The following SMYD3 variants were observed in gnomAD, a reference collection of about 807,000 sequenced individuals.
SMYD3 encodes the protein SET and MYND domain containing 3.
In SMYD3, 36 loss-of-function variants were observed where a neutral mutation model predicts 57.7. The observed-to-expected ratio is 0.62, with a 90% CI of 0.48 to 0.82. The LOEUF (loss-of-function observed/expected upper bound fraction) is 0.82, where lower values mean the gene tolerates loss of function less well. Among genes scored for constraint, SMYD3 ranks in the 40% least tolerant of loss-of-function variants. SMYD3 has a pLI of 0.00. For missense variants in SMYD3, 515 were observed against 538.8 expected, an observed-to-expected ratio of 0.96 and a Z score of 0.44; for synonymous variants, 211 against 195.0, an observed-to-expected ratio of 1.08 and a Z score of -0.68.
At chr1:246,286,961 C>T (rs2064581418) in intron 5 of SMYD3, among the ~76,000 whole-genome samples, 1 of 151,750 alleles carries the variant, frequency 6.6e-6, no homozygotes. Flanking sequence ...ACCTCCGCCC[C>T]CTAGGTTCAA....
chr1:245,908,599 A>G (rs2054745885), intron 8 of SMYD3, among the ~76,000 whole-genome samples: 1 of 152,274 alleles, frequency 6.6e-6, no homozygotes, highest in Non-Finnish European at 1.5e-5. Context: ...ACAAGGCTTA[A>G]CACATTTTTA....
rs1028334969 is a variant in SMYD3 at position 246,087,363 on chromosome 1, T to C, written c.532-157426A>G. Among the ~76,000 whole-genome samples, 4 of 152,168 alleles carry C rather than the reference T, an allele frequency of 2.6e-5. 1 individual carries two copies. Among genetic ancestry groups the C allele is most frequent in the South Asian group, 4.1e-4 (2 of 4,828 alleles). ...CCAAGACCGTTGACTTCCTTAATCA[T>C]CTCTAGAACCCTGGGTTCTAGCACA... On this transcript the variant is annotated intron_variant, in intron 5 of 11. Transcript: ENST00000490107.
chr1:245,808,919 C>T (rs187373970), intron 10 of SMYD3, among the ~76,000 whole-genome samples: 2 of 152,240 alleles, frequency 1.3e-5, no homozygotes, highest in Non-Finnish European at 1.5e-5. Flanking sequence ...TGCACCACCA[C>T]ACCTGGCTAA....
At chr1:246,279,866 T>C (rs1211134276) in intron 5 of SMYD3, among the ~76,000 whole-genome samples, 1 of 152,210 alleles carries the variant, frequency 6.6e-6, no homozygotes, top group African/African-American at 2.4e-5. Context: ...TTCTACATTA[T>C]ATAAAAATCT....
At chr1:245,937,979 T>C (rs1351068812) in intron 5 of SMYD3, among the ~76,000 whole-genome samples, 1 of 152,158 alleles carries the variant, frequency 6.6e-6, no homozygotes, top group Non-Finnish European at 1.5e-5. Flanking sequence ...TTCCGTCAAA[T>C]TAATGGAGAA....
At chr1:245,973,790 C>T (rs1022721410) in intron 5 of SMYD3, among the ~76,000 whole-genome samples, 2 of 152,162 alleles carry the variant, frequency 1.3e-5, no homozygotes, top group Non-Finnish European at 2.9e-5. Context: ...GGAAATCTAC[C>T]TATATGAGTA....
chr1:246,208,670 C>T (rs1019884852), intron 5 of SMYD3, among the ~76,000 whole-genome samples: 2 of 152,150 alleles, frequency 1.3e-5, no homozygotes, highest in Non-Finnish European at 2.9e-5. Flanking sequence ...TAGGCAATCA[C>T]GTTGCATGTC....
chr1:246,373,039 C>A (rs1221163717), intron 1 of SMYD3, among the ~76,000 whole-genome samples: 1 of 151,820 alleles, frequency 6.6e-6, no homozygotes, highest in Middle Eastern at 3.2e-3. Flanking sequence ...ATAAAAGCTA[C>A]CTAGAATGTC....
At chr1:246,493,970 C>T (rs781359379) in intron 1 of SMYD3, among the ~76,000 whole-genome samples, 2 of 152,230 alleles carry the variant, frequency 1.3e-5, no homozygotes, top group Non-Finnish European at 2.9e-5. Context: ...TACCAGTCCC[C>T]TAGCTCAGGC....
intron 10 of SMYD3, among the ~76,000 whole-genome samples, chr1:245,832,780 C>A (rs1385213529): frequency 6.6e-6 from 1 of 152,068 alleles, no homozygotes; most frequent in Non-Finnish European, 1.5e-5. Context: ...AATGTTGAAT[C>A]CTGTAAAGAA....
intron 10 of SMYD3, among the ~76,000 whole-genome samples, chr1:245,807,534 CAGAG>C (rs2048243050): frequency 6.6e-6 from 1 of 152,152 alleles, no homozygotes. Flanking sequence ...GGCCTGGCAG[CAGAG>C]AGAGAATTAC....
At chr1:245,946,736 T>C (rs971191766) in intron 5 of SMYD3, among the ~76,000 whole-genome samples, 1 of 152,160 alleles carries the variant, frequency 6.6e-6, no homozygotes, top group Non-Finnish European at 1.5e-5. Flanking sequence ...GATTTGTTCA[T>C]TCATTAAGGG....
intron 7 of SMYD3, among the ~76,000 whole-genome samples, chr1:245,926,564 G>T (rs2056388535): frequency 6.6e-6 from 1 of 152,180 alleles, no homozygotes; most frequent in Non-Finnish European, 1.5e-5. Context: ...AGAGAAAGAT[G>T]TGAAAAAGTG....
In SMYD3 at chr1:246,145,742, G is replaced by A. The variant is rs146340938; in HGVS notation, c.531+181459C>T. ...ACAGCATTCATCTCACAGACATCAC[G>A]AAGGTTAAATGAAACCATCCATGTA... On this transcript the variant is annotated intron_variant, in intron 5 of 11. Coordinates refer to ENST00000490107, the MANE Select transcript of SMYD3 (RefSeq NM_001167740.2). Among the ~76,000 whole-genome samples, 459 of 152,280 alleles carry A rather than the reference G, an allele frequency of 3.0e-3. 2 individuals carry two copies. The highest frequency in any genetic ancestry group is 5.0e-3 in the Non-Finnish European group (337 of 68,026).
At chr1:245,855,532 C>T (rs2051197573) in intron 10 of SMYD3, among the ~76,000 whole-genome samples, 1 of 152,170 alleles carries the variant, frequency 6.6e-6, no homozygotes, top group Non-Finnish European at 1.5e-5. Context: ...CTTCATTCTA[C>T]TTCCTGTTTA....
intron 10 of SMYD3, among the ~76,000 whole-genome samples, chr1:245,816,088 G>A (rs1047730891): frequency 6.6e-6 from 1 of 152,154 alleles, no homozygotes; most frequent in Admixed American, 6.5e-5. Context: ...CTGGGGTGTG[G>A]GGCAGAAGAT....
At chr1:246,459,918 CAAAAAAAA>C (rs35958617) in intron 1 of SMYD3, among the ~76,000 whole-genome samples, 3 of 88,932 alleles carry the variant, frequency 3.4e-5, no homozygotes, top group African/African-American at 8.2e-5. Context: ...TTCCGCCACC[CAAAAAAAA>C]AAAAAAAAAA....
At chr1:246,415,000 A>G (rs2067037556) in intron 1 of SMYD3, among the ~76,000 whole-genome samples, 1 of 152,110 alleles carries the variant, frequency 6.6e-6, no homozygotes, top group Admixed American at 6.5e-5. Context: ...TACAGGTGTG[A>G]GCCACCGCGC....
intron 5 of SMYD3, among the ~76,000 whole-genome samples, chr1:246,247,465 CTATA>C (rs200687230): frequency 0.022 from 2,478 of 111,850 alleles, 52 homozygotes; most frequent in East Asian, 0.044. Context: ...CTCTCTCTCT[CTATA>C]TATATATATA....
Sources: allele counts gnomAD v4.1 joint callset (sites outside exome capture counted in the v4.1 genomes callset), GRCh38; gene constraint gnomAD v4.1.1; transcripts MANE v1.5; gene names NCBI Gene and HGNC (gene_info 2026-07-23, HGNC 2026-07-21).